The following CNTN4 variants were observed in gnomAD, a reference collection of about 807,000 sequenced individuals.
CNTN4 encodes contactin 4, also known as contactin-4.
A neutral mutation model predicts 122.5 loss-of-function variants in CNTN4; 77 were observed. The observed-to-expected ratio is 0.63, with a 90% CI of 0.52 to 0.76. CNTN4 has a LOEUF of 0.76. Ranked by LOEUF, CNTN4 falls within the 30% of genes least tolerant of loss-of-function variation. CNTN4 has a pLI of 0.00. For synonymous variants in CNTN4, 512 were observed against 447.0 expected (o/e 1.15, Z -1.83); for missense variants, 1,256 against 1,259.1 (o/e 1.00, Z 0.04).
At chr3:2,227,676 T>C (rs948653236) in intron 2 of CNTN4, among the ~76,000 whole-genome samples, 14 of 152,090 alleles carry the variant, frequency 9.2e-5, no homozygotes, top group Non-Finnish European at 1.9e-4. Context: ...TGATTAAGAT[T>C]TTATTTGTAG....
chr3:2,570,710 T>C (rs905804707), intron 3 of CNTN4, among the ~76,000 whole-genome samples: 6 of 152,146 alleles, frequency 3.9e-5, no homozygotes, highest in Admixed American at 1.3e-4. Context: ...ACTCACTTTG[T>C]AGCTTTTGGT....
At chr3:2,504,227 G>C (rs1021915623) in intron 3 of CNTN4, among the ~76,000 whole-genome samples, 1 of 152,092 alleles carries the variant, frequency 6.6e-6, no homozygotes, top group African/African-American at 2.4e-5. Context: ...TTCAGTTTAA[G>C]GCATTATTAA....
intron 2 of CNTN4, among the ~76,000 whole-genome samples, chr3:2,338,921 G>GA (rs1410931141): frequency 6.6e-6 from 1 of 152,028 alleles, no homozygotes; most frequent in Non-Finnish European, 1.5e-5. Context: ...ACTAACAAGG[G>GA]AAAGATAGAG....
At chr3:3,015,543 A>C (rs886487443) in intron 14 of CNTN4, among the ~76,000 whole-genome samples, 1 of 152,236 alleles carries the variant, frequency 6.6e-6, no homozygotes, top group Non-Finnish European at 1.5e-5. Flanking sequence ...CTGCTTTAGA[A>C]TATGCGAATT....
At chr3:2,629,103 C>G (rs1438248456) in intron 4 of CNTN4, among the ~76,000 whole-genome samples, 1 of 152,122 alleles carries the variant, frequency 6.6e-6, no homozygotes, top group Non-Finnish European at 1.5e-5. Context: ...AAATTGAAGC[C>G]TTAACCCCCA....
At chr3:2,448,609 C>T (rs2048712436) in intron 3 of CNTN4, among the ~76,000 whole-genome samples, 1 of 152,184 alleles carries the variant, frequency 6.6e-6, no homozygotes, top group African/African-American at 2.4e-5. Context: ...GCTCCCTTTT[C>T]TGCATATTCC....
chr3:2,135,447 T>A (rs1027511965), intron 2 of CNTN4, among the ~76,000 whole-genome samples: 7 of 152,196 alleles, frequency 4.6e-5, no homozygotes, highest in African/African-American at 1.7e-4. Flanking sequence ...TTTTAAGCCT[T>A]GAAAATTGGA....
At chr3:2,149,114 A>T (rs1169040476) in intron 2 of CNTN4, among the ~76,000 whole-genome samples, 2 of 152,160 alleles carry the variant, frequency 1.3e-5, no homozygotes, top group African/African-American at 4.8e-5. Flanking sequence ...GATATCAGTG[A>T]ATCAGGCAAA....
intron 4 of CNTN4, among the ~76,000 whole-genome samples, chr3:2,659,843 G>C (rs1304425042): frequency 6.6e-6 from 1 of 152,172 alleles, no homozygotes; most frequent in East Asian, 1.9e-4. Flanking sequence ...ATAGTTTTGA[G>C]AGACATTTTA....
At chr3:2,472,715 T>A (rs1329623071) in intron 3 of CNTN4, among the ~76,000 whole-genome samples, 1 of 152,220 alleles carries the variant, frequency 6.6e-6, no homozygotes, top group Non-Finnish European at 1.5e-5. Context: ...GCAGGCTCCA[T>A]TGCAGAAGAA....
chr3:2,108,183 T>TC (rs113634118), intron 2 of CNTN4, among the ~76,000 whole-genome samples: 31,002 of 137,632 alleles, frequency 0.23, 3,561 homozygotes, highest in East Asian at 0.43. Flanking sequence ...TTTTTTTTTT[T>TC]CATGACTGTT....
chr3:2,472,353 C>T (rs1218313783), intron 3 of CNTN4, among the ~76,000 whole-genome samples: 3 of 152,134 alleles, frequency 2.0e-5, no homozygotes, highest in East Asian at 3.9e-4. Flanking sequence ...CGATTGTCCT[C>T]CTTCAGCTTC....
intron 6 of CNTN4, among the ~76,000 whole-genome samples, chr3:2,780,450 A>G (rs1399799111): frequency 6.6e-6 from 1 of 152,092 alleles, no homozygotes; most frequent in African/African-American, 2.4e-5. Flanking sequence ...TCTTTTATGC[A>G]TTTTCTCTTT....
At chr3:2,183,215 C>G (rs1317756553) in intron 2 of CNTN4, among the ~76,000 whole-genome samples, 1 of 152,012 alleles carries the variant, frequency 6.6e-6, no homozygotes, top group Non-Finnish European at 1.5e-5. Context: ...GATATGACAG[C>G]CGTGATTTTA....
chr3:2,231,227 G>A (rs1485106923), intron 2 of CNTN4, among the ~76,000 whole-genome samples: 1 of 152,048 alleles, frequency 6.6e-6, no homozygotes, highest in African/African-American at 2.4e-5. Context: ...TAGCCACATT[G>A]CAAATACTCA....
At chr3:2,794,798 T>A (rs1016093612) in intron 6 of CNTN4, among the ~76,000 whole-genome samples, 17 of 152,178 alleles carry the variant, frequency 1.1e-4, no homozygotes, top group African/African-American at 3.4e-4. Flanking sequence ...ACAAGCAGAT[T>A]CAATTCCTGG....
chr3:2,726,702 A>C (rs113233896), intron 4 of CNTN4, among the ~76,000 whole-genome samples: 9 of 152,290 alleles, frequency 5.9e-5, no homozygotes, highest in African/African-American at 2.2e-4. Context: ...GCTGCAGTGG[A>C]GCGCTGGGTT....
chr3:2,939,214 C>G (rs182410395), intron 13 of CNTN4, among the ~76,000 whole-genome samples: 1 of 152,254 alleles, frequency 6.6e-6, no homozygotes, highest in African/African-American at 2.4e-5. Flanking sequence ...TTCTAAATCC[C>G]TTTTGCCAAA....
At chr3:2,636,386 T>A (rs925616447) in intron 4 of CNTN4, among the ~76,000 whole-genome samples, 9 of 152,196 alleles carry the variant, frequency 5.9e-5, no homozygotes, top group Non-Finnish European at 1.2e-4. Flanking sequence ...ATAGAATATT[T>A]ATTGCCTATA....
Sources: gnomAD v4.1 joint callset for allele counts (sites outside exome capture counted in the v4.1 genomes callset) on GRCh38, gnomAD v4.1.1 for gene constraint, MANE v1.5 for transcripts, NCBI Gene and HGNC (gene_info 2026-07-23, HGNC 2026-07-21) for gene names.